Variants in CYRIB observed in about 807,000 individuals in gnomAD.
CYRIB encodes the protein CYFIP related Rac1 interactor B.
In CYRIB, 8 loss-of-function variants were observed where a neutral mutation model predicts 44.2. That is an observed-to-expected ratio of 0.18 (90% confidence interval 0.11 to 0.33). CYRIB has a LOEUF of 0.33. CYRIB is among the 10% of genes least tolerant of loss of function. The probability of loss-of-function intolerance (pLI) is 1.00; values close to 1 mark genes in which losing one functional copy is unlikely to be tolerated. For missense variants in CYRIB, 185 were observed against 382.8 expected, an observed-to-expected ratio of 0.48 and a Z score of 4.31; for synonymous variants, 131 against 127.2, an observed-to-expected ratio of 1.03 and a Z score of -0.20.
At chr8:129,939,117 G>A (rs1269365746) in intron 1 of CYRIB, among the ~76,000 whole-genome samples, 1 of 152,110 alleles carries the variant, frequency 6.6e-6, no homozygotes, top group Admixed American at 6.5e-5. Context: ...GGACCAGGAG[G>A]GCTGGGTGTC....
chr8:129,964,388 C>T lies in CYRIB; in HGVS notation c.-243+6555G>A, dbSNP rs561286685. 5.3e-5 allele frequency among the ~76,000 whole-genome samples: 8 copies of T among 152,318 alleles called. No individual in the cohort carries two copies. In the South Asian group the frequency reaches 1.7e-3, roughly 32 times the overall value. On this transcript the variant is annotated intron_variant, in intron 2 of 14. Transcript: ENST00000401979. ...TGGAAAAATTAGTACTGACTGAATACTTCCATGTGGACTCAAGAGAGGTGC... is the reference window on the plus strand; with the variant it reads ...TGGAAAAATTAGTACTGACTGAATATTTCCATGTGGACTCAAGAGAGGTGC...
At chr8:129,950,308 G>A (rs899240464) in intron 2 of CYRIB, among the ~76,000 whole-genome samples, 14 of 152,260 alleles carry the variant, frequency 9.2e-5, no homozygotes, top group East Asian at 1.9e-4. Flanking sequence ...TGTGGCTCAC[G>A]CCTGTAATCC....
chr8:129,941,674 C>G (rs1265952012), upstream of CYRIB, among the ~76,000 whole-genome samples: 1 of 152,174 alleles, frequency 6.6e-6, no homozygotes, highest in Non-Finnish European at 1.5e-5. Flanking sequence ...CCTCAGATAA[C>G]CTGGGTCCAG....
chr8:130,012,494 A>T (rs1356505785), intron 1 of CYRIB, among the ~76,000 whole-genome samples: 1 of 150,666 alleles, frequency 6.6e-6, no homozygotes, highest in African/African-American at 2.5e-5. Flanking sequence ...CAGAAAGAGC[A>T]CCAGGGGCTG....
At chr8:129,967,580 CCT>C (rs1187159949) in intron 2 of CYRIB, among the ~76,000 whole-genome samples, 2 of 151,994 alleles carry the variant, frequency 1.3e-5, no homozygotes, top group Non-Finnish European at 2.9e-5. Context: ...GGGGTTTCAC[CCT>C]GTTAGCCAGG....
intron 1 of CYRIB, among the ~76,000 whole-genome samples, chr8:130,007,934 C>A (rs573376972): frequency 6.6e-6 from 1 of 152,114 alleles, no homozygotes; most frequent in Admixed American, 6.5e-5. Context: ...CCAGGCCAGG[C>A]ATGGTGGCTC....
intron 7 of CYRIB, 99 bp downstream of exon 9, chr8:129,854,167 A>G: frequency 1.1e-6 from 1 of 932,780 alleles, no homozygotes; most frequent in South Asian, 1.5e-5. Context: ...CTTTATTACT[A>G]GCTTTAACAC....
chr8:130,002,285 A>AC (rs1465312889), intron 1 of CYRIB, among the ~76,000 whole-genome samples: 3 of 151,928 alleles, frequency 2.0e-5, no homozygotes, highest in Admixed American at 2.0e-4. Flanking sequence ...ACATAGGGAG[A>AC]CCCCATCTCT....
At chr8:129,900,603 C>G (rs2071076176) in intron 2 of CYRIB, among the ~76,000 whole-genome samples, 1 of 152,322 alleles carries the variant, frequency 6.6e-6, no homozygotes, top group Non-Finnish European at 1.5e-5. Context: ...CAGAGCACTA[C>G]TATTCGTATC....
intron 1 of CYRIB, among the ~76,000 whole-genome samples, chr8:130,001,799 G>C (rs2096915546): frequency 6.6e-6 from 1 of 152,032 alleles, no homozygotes; most frequent in African/African-American, 2.4e-5. Flanking sequence ...ATTTCTATAG[G>C]ACCTGAAGAT....
chr8:129,965,351 C>T lies in CYRIB; in HGVS notation c.-243+5592G>A, dbSNP rs887783054. Among the ~76,000 whole-genome samples, 5 of 151,338 alleles carry T rather than the reference C, an allele frequency of 3.3e-5. No homozygotes were observed. The East Asian group carries it at 7.8e-4, about 24-fold the overall frequency. ...GGTGGGTGTGTATAAACACTTATAC[C>T]CTCTTCTTGTTTTCCTACATCTGGC... is the stretch of plus-strand genomic sequence containing the variant. On this transcript the variant is annotated intron_variant, in intron 2 of 14. Transcript: ENST00000401979.
intron 1 of CYRIB, among the ~76,000 whole-genome samples, chr8:129,972,238 G>A (rs1289996062): frequency 1.3e-5 from 2 of 152,184 alleles, no homozygotes; most frequent in Non-Finnish European, 2.9e-5. Flanking sequence ...GCTATGGCAT[G>A]AGTGTGGTTT....
At position 129,938,603 on chromosome 8, in the gene CYRIB, G is replaced by C. The variant is rs184528321; in HGVS notation, c.-50+1005C>G. 1.1e-4 allele frequency among the ~76,000 whole-genome samples: 16 copies of C among 152,244 alleles called. No individual in the cohort carries two copies. In the East Asian group the frequency reaches 3.1e-3, roughly 29 times the overall value. On this transcript the variant is annotated intron_variant, in intron 1 of 11. Coordinates refer to ENST00000519824, the Ensembl canonical transcript of CYRIB. ...GATTCAGGCATTTCATCAGTATTCC[G>C]CACATAGGGGTACTCAAACAATGTT...
chr8:129,949,184 TTTG>T (rs1412476882), intron 2 of CYRIB: 2 of 152,152 alleles, frequency 1.3e-5, no homozygotes, highest in Admixed American at 1.3e-4. Flanking sequence ...TAAAAAAAGA[TTTG>T]TTGTTTTACA....
intron 2 of CYRIB, chr8:129,880,524 G>T: frequency 1.4e-6 from 1 of 705,244 alleles, no homozygotes; most frequent in South Asian, 6.4e-5. Flanking sequence ...CCTGGGATTT[G>T]GCAAAGGCTG....
chr8:129,922,780 A>G (rs902931462), intron 1 of CYRIB, among the ~76,000 whole-genome samples: 1 of 150,112 alleles, frequency 6.7e-6, no homozygotes, highest in Non-Finnish European at 1.5e-5. Context: ...GGAGAATGGC[A>G]TGAACCTGGG....
chr8:129,883,143 A>C (rs986508747), intron 2 of CYRIB, among the ~76,000 whole-genome samples: 22 of 149,090 alleles, frequency 1.5e-4, no homozygotes, highest in African/African-American at 5.5e-4. Flanking sequence ...AAAAAAAAGG[A>C]ATTGGCTCAG....
chr8:129,995,254 C>T (rs976938046), intron 1 of CYRIB, among the ~76,000 whole-genome samples: 14 of 152,112 alleles, frequency 9.2e-5, no homozygotes, highest in African/African-American at 2.7e-4. Context: ...CCCAGGGTGG[C>T]GGAAGTGAGG....
chr8:129,883,062 G>A (rs1194330614), intron 2 of CYRIB, among the ~76,000 whole-genome samples: 1 of 117,212 alleles, frequency 8.5e-6, no homozygotes, highest in Admixed American at 1.3e-4. Context: ...AGGGAGCCAA[G>A]ATCACGCCAC....
Sources: allele counts gnomAD v4.1 joint callset (sites outside exome capture counted in the v4.1 genomes callset), GRCh38; gene constraint gnomAD v4.1.1; transcripts MANE v1.5; gene names NCBI Gene and HGNC (gene_info 2026-07-23, HGNC 2026-07-21).